The following KAZN variants were observed in gnomAD, a reference collection of about 807,000 sequenced individuals.
KAZN encodes the protein kazrin, periplakin interacting protein, also known as kazrin.
A neutral mutation model predicts 87.4 loss-of-function variants in KAZN; 40 were observed. The ratio of observed to expected loss-of-function variants is 0.46; its 90% confidence interval spans 0.36 to 0.60. KAZN has a LOEUF of 0.60. Ranked by LOEUF, KAZN falls within the 20% of genes least tolerant of loss-of-function variation. The pLI is 0.00. For synonymous variants in KAZN, 466 were observed against 458.3 expected (o/e 1.02, Z -0.22); for missense variants, 898 against 1,073.9 (o/e 0.84, Z 2.29).
At chr1:13,932,555 C>A (rs6429805) in intron 1 of KAZN, among the ~76,000 whole-genome samples, 1 of 152,138 alleles carries the variant, frequency 6.6e-6, no homozygotes, top group Non-Finnish European at 1.5e-5. Flanking sequence ...CCACCGCGCC[C>A]GGCCTTATTA....
chr1:14,951,436 T>C (rs1662468475), intron 1 of KAZN, among the ~76,000 whole-genome samples: 1 of 148,840 alleles, frequency 6.7e-6, no homozygotes, highest in Admixed American at 6.9e-5. Flanking sequence ...AGAGTCATTG[T>C]GTCTCTGTCT....
chr1:14,497,486 T>C (rs1205614063), intron 2 of KAZN, among the ~76,000 whole-genome samples: 1 of 152,138 alleles, frequency 6.6e-6, no homozygotes, highest in Non-Finnish European at 1.5e-5. Flanking sequence ...TTCCCTACCT[T>C]AGAACTTGAG....
intron 1 of KAZN, among the ~76,000 whole-genome samples, chr1:14,606,526 G>A (rs1295295499): frequency 6.6e-6 from 1 of 152,082 alleles, no homozygotes; most frequent in South Asian, 2.1e-4. Flanking sequence ...TGGACTTCGT[G>A]TGTTTCATCT....
intron 1 of KAZN, among the ~76,000 whole-genome samples, chr1:14,065,308 C>A (rs115837853): frequency 2.0e-5 from 3 of 152,004 alleles, no homozygotes; most frequent in Non-Finnish European, 4.4e-5. Flanking sequence ...TGGCATAGTT[C>A]CAAAACCTTA....
intron 1 of KAZN, among the ~76,000 whole-genome samples, chr1:14,682,299 T>A (rs1331329515): frequency 6.6e-6 from 1 of 151,766 alleles, no homozygotes; most frequent in East Asian, 1.9e-4. Context: ...TCCTTTTTTT[T>A]TTTTTTAAGA....
At chr1:15,089,712 CAAAGGGAAGCTTTTATTGGCA>C (rs1640438041) in intron 8 of KAZN, among the ~76,000 whole-genome samples, 2 of 108,444 alleles carry the variant, frequency 1.8e-5, no homozygotes, top group Admixed American at 1.4e-4. Context: ...GAGGGGACAG[CAAAGGGAAGCTTTTATTGGCA>C]AAAAAAAAAA....
intron 2 of KAZN, among the ~76,000 whole-genome samples, chr1:15,003,372 C>T (rs1010949863): frequency 2.6e-5 from 4 of 152,002 alleles, no homozygotes; most frequent in Non-Finnish European, 4.4e-5. Context: ...TCCACTCATC[C>T]CTTTGGGGGC....
intron 1 of KAZN, among the ~76,000 whole-genome samples, chr1:13,932,368 C>G (rs1372002832): frequency 6.7e-6 from 1 of 148,316 alleles, no homozygotes; most frequent in East Asian, 2.0e-4. Flanking sequence ...TCATGCCATT[C>G]TCCTGCCTCA....
At chr1:14,657,103 A>G (rs1375795329) in intron 1 of KAZN, among the ~76,000 whole-genome samples, 3 of 108,914 alleles carry the variant, frequency 2.8e-5, no homozygotes, top group African/African-American at 1.0e-4. Flanking sequence ...TTTTTTTGAG[A>G]CAGAGTTTCA....
At chr1:14,392,318 C>T (rs1360824788) in intron 2 of KAZN, among the ~76,000 whole-genome samples, 1 of 152,180 alleles carries the variant, frequency 6.6e-6, no homozygotes, top group African/African-American at 2.4e-5. Flanking sequence ...AGTAATGACT[C>T]AGCCTTCTCC....
intron 5 of KAZN, among the ~76,000 whole-genome samples, chr1:15,059,100 C>T (rs1044073293): frequency 6.8e-6 from 1 of 147,976 alleles, no homozygotes; most frequent in African/African-American, 2.6e-5. Context: ...AGAAAACAGG[C>T]ACTTTTTTTT....
chr1:13,959,176 C>A (rs912161199), intron 1 of KAZN, among the ~76,000 whole-genome samples: 1 of 152,204 alleles, frequency 6.6e-6, no homozygotes, highest in Admixed American at 6.5e-5. Flanking sequence ...CCCCAGAGAG[C>A]TAGCTAGCGC....
At position 14,712,836 on chromosome 1, in the gene KAZN, T is replaced by C. The variant is rs149994655; in HGVS notation, c.226+113613T>C. 2.7e-3 allele frequency among the ~76,000 whole-genome samples: 408 copies of C among 152,358 alleles called. 2 individuals carry two copies. The highest frequency in any genetic ancestry group is 9.1e-3 in the African/African-American group (380 of 41,592). ...ACCACAGCAGCTATAGAATTAATAC[T>C]GTCTTCTCACCCCCCACCTTTTCCC... On this transcript the variant is annotated intron_variant, in intron 1 of 14. Transcript: ENST00000376030.
chr1:14,327,457 C>G (rs574106521), intron 2 of KAZN, among the ~76,000 whole-genome samples: 1 of 152,226 alleles, frequency 6.6e-6, no homozygotes. Flanking sequence ...TCTCATCCCC[C>G]TAGCGGGCCT....
chr1:14,481,825 C>T (rs907554608), intron 2 of KAZN, among the ~76,000 whole-genome samples: 22 of 152,166 alleles, frequency 1.4e-4, no homozygotes, highest in Non-Finnish European at 2.9e-4. Context: ...TGAAGGAGAC[C>T]TTGGCCCTGC....
At position 13,997,882 on chromosome 1, in the gene KAZN, A is replaced by T. The variant is rs1570484575; in HGVS notation, c.91+104126A>T. Among the ~76,000 whole-genome samples the T allele has an allele frequency of 3.3e-5, 5 of 152,288 alleles. No individual in the cohort carries two copies. The South Asian group carries it at 1.0e-3, about 32-fold the overall frequency. On this transcript the variant is annotated intron_variant, in intron 1 of 16. Transcript: ENST00000636203. Reference sequence around the variant, plus strand: ...AAAATACAGAGAACACCACTAAGATACACCACAAGAAGATCAGCCCCAAGA... The same window carrying T: ...AAAATACAGAGAACACCACTAAGATTCACCACAAGAAGATCAGCCCCAAGA...
chr1:14,832,972 A>G (rs1176856240), intron 1 of KAZN, among the ~76,000 whole-genome samples: 15 of 152,246 alleles, frequency 9.9e-5, no homozygotes, highest in Admixed American at 9.2e-4. Context: ...GGTGGACTAT[A>G]TGGCTTGCAC....
intron 1 of KAZN, among the ~76,000 whole-genome samples, chr1:14,156,184 A>G (rs1228741523): frequency 6.6e-6 from 1 of 152,044 alleles, no homozygotes; most frequent in Non-Finnish European, 1.5e-5. Flanking sequence ...GTTTTATTCC[A>G]TTGTGGTCAG....
intron 2 of KAZN, among the ~76,000 whole-genome samples, chr1:14,276,194 TGTGTGTG>T (rs1652341829): frequency 7.9e-6 from 1 of 127,334 alleles, no homozygotes; most frequent in Non-Finnish European, 1.8e-5. Flanking sequence ...TGTGTGTGTG[TGTGTGTG>T]TATCCTTTAT....
Sources: allele counts gnomAD v4.1 joint callset (sites outside exome capture counted in the v4.1 genomes callset), GRCh38; gene constraint gnomAD v4.1.1; transcripts MANE v1.5; gene names NCBI Gene and HGNC (gene_info 2026-07-23, HGNC 2026-07-21).